Variants in ATXN10 observed in about 807,000 individuals in gnomAD.
The protein encoded by ATXN10 is ataxin 10.
A neutral mutation model predicts 52.9 loss-of-function variants in ATXN10; 28 were observed. The ratio of observed to expected loss-of-function variants is 0.53; its 90% CI spans 0.39 to 0.73. The LOEUF is 0.73. ATXN10 is among the 30% of genes least tolerant of loss of function. The probability of loss-of-function intolerance (pLI) is 0.00; values close to 1 mark genes in which losing one functional copy is unlikely to be tolerated. For synonymous variants in ATXN10, 226 were observed against 221.5 expected (o/e 1.02, Z -0.18); for missense variants, 565 against 577.0 (o/e 0.98, Z 0.21).
At position 45,774,486 on chromosome 22, in the gene ATXN10, G is replaced by T. The variant is rs1217322439; in HGVS notation, c.1174-32473G>T. On this transcript the variant is annotated intron_variant, in intron 9 of 11. Transcript: ENST00000252934. The surrounding 1 kb of genome is among the most constrained non-coding windows in gnomAD (Gnocchi z 6.2). The stretch of plus-strand genomic sequence containing the variant: ...GGGAACTACTACTTTGATGTAAGAG[G>T]AGATCGCTATTAGGAAATTCCAGAT... Among the ~76,000 whole-genome samples, 5 of 152,214 alleles carry T rather than the reference G, an allele frequency of 3.3e-5. No individual in the cohort carries two copies. Among genetic ancestry groups the T allele is most frequent in the Non-Finnish European group, 1.5e-5 (1 of 68,036 alleles).
chr22:45,708,722 C>G lies in ATXN10; in HGVS notation c.647+5875C>G, dbSNP rs895378658. ...TGGTGTGATCTTGACTCACTGCAAC[C>G]TCTGCCTCCCGGGTTCAAGTGATTC... On this transcript the variant is annotated intron_variant, in intron 5 of 11. Coordinates refer to ENST00000252934, the MANE Select transcript of ATXN10 (RefSeq NM_013236.4). This position sits in a 1 kb window ranked among gnomAD's most constrained non-coding sequence, Gnocchi z 5.3. 6.6e-6 allele frequency among the ~76,000 whole-genome samples: 1 copy of G among 152,204 alleles called. No homozygotes were observed. The highest frequency in any genetic ancestry group is 2.4e-5 in the African/African-American group (1 of 41,454).
chr22:45,824,018 T>A lies in ATXN10; in HGVS notation c.1237+16996T>A, dbSNP rs545280507. On this transcript the variant is annotated intron_variant, in intron 10 of 11. Coordinates refer to ENST00000252934, the MANE Select transcript of ATXN10 (RefSeq NM_013236.4). The surrounding 1 kb of genome is among the most constrained non-coding windows in gnomAD (Gnocchi z 5.2). ...TGTTTACTTCTTCGTTTTTTGTTTG[T>A]TTGTTTGTTTTGGTAGTCCCTGGCA... 2.0e-5 allele frequency among the ~76,000 whole-genome samples: 3 copies of A among 152,284 alleles called. No individual in the cohort carries two copies. Among genetic ancestry groups the A allele is most frequent in the South Asian group, 4.1e-4 (2 of 4,820 alleles).
chr22:45,830,170 A>T (rs1326975711), intron 10 of ATXN10, among the ~76,000 whole-genome samples: 1 of 152,232 alleles, frequency 6.6e-6, no homozygotes, highest in Non-Finnish European at 1.5e-5. Context: ...ATCCAGGTGC[A>T]AAAGAATGAA....
At chr22:45,721,606 TTAC>T (rs150410007) in intron 6 of ATXN10, among the ~76,000 whole-genome samples, 1 of 152,294 alleles carries the variant, frequency 6.6e-6, no homozygotes, top group African/African-American at 2.4e-5. Flanking sequence ...TTCCATGCTC[TTAC>T]TACTATTACT....
At chr22:45,785,759 G>C (rs764209184) in intron 9 of ATXN10, among the ~76,000 whole-genome samples, 4 of 152,228 alleles carry the variant, frequency 2.6e-5, no homozygotes, top group Admixed American at 2.0e-4. Flanking sequence ...AGGAAGCCGC[G>C]AGGCTGAGAG....
intron 1 of ATXN10, among the ~76,000 whole-genome samples, chr22:45,689,165 G>C (rs1923268714): frequency 6.6e-6 from 1 of 152,222 alleles, no homozygotes; most frequent in African/African-American, 2.4e-5. Flanking sequence ...AGAGTAGATA[G>C]TATCCTTGTC....
At chr22:45,734,023 AT>A (rs1220071893) in intron 7 of ATXN10, among the ~76,000 whole-genome samples, 1 of 152,078 alleles carries the variant, frequency 6.6e-6, no homozygotes, top group African/African-American at 2.4e-5. Context: ...ATATAGACTC[AT>A]CATAATTTTT....
chr22:45,765,658 C>T (rs529005726), intron 9 of ATXN10, among the ~76,000 whole-genome samples: 2 of 152,282 alleles, frequency 1.3e-5, no homozygotes, highest in East Asian at 3.9e-4. Context: ...ATATAAAGTA[C>T]TTCCTGAAAA....
rs1256506506 is a variant in ATXN10, at chr22:45,769,257, A to C, written c.1173+28719A>C. Among the ~76,000 whole-genome samples, 1 of 152,172 alleles carries C rather than the reference A, an allele frequency of 6.6e-6. No homozygotes were observed. The highest frequency in any genetic ancestry group is 2.4e-5 in the African/African-American group (1 of 41,440). On this transcript the variant is annotated intron_variant, in intron 9 of 11. Coordinates refer to ENST00000252934, the MANE Select transcript of ATXN10 (RefSeq NM_013236.4). The surrounding 1 kb of genome is among the most constrained non-coding windows in gnomAD (Gnocchi z 4.2). The stretch of plus-strand genomic sequence containing the variant: ...ATCTGAAAGGCAGCTTTATCAAAAG[A>C]GTAACGTGTGCAGATGGGCGCCGTT...
At position 45,732,006 on chromosome 22, in the gene ATXN10, TA is replaced by T. The variant is rs1178574590; in HGVS notation, c.894+2419del. The stretch of plus-strand genomic sequence containing the variant: ...ACAGAGAAAAGACAGATCACAGCTT[TA>T]AACTTTTCAGGGCACTTCTGTTTAA... On this transcript the variant is annotated intron_variant, in intron 7 of 11. Transcript: ENST00000252934. The surrounding 1 kb of genome is among the most constrained non-coding windows in gnomAD (Gnocchi z 4.5). Among the ~76,000 whole-genome samples the T allele has an allele frequency of 6.6e-6, 1 of 152,232 alleles. No homozygotes were observed. The highest frequency in any genetic ancestry group is 2.4e-5 in the African/African-American group (1 of 41,472).
intron 3 of ATXN10, 101 bp downstream of exon 3, chr22:45,693,179 T>C: frequency 1.0e-6 from 1 of 965,432 alleles, no homozygotes. Flanking sequence ...ATGTTCTGTA[T>C]TTCATGAGAT....
At chr22:45,741,681 A>G (rs528920003) in intron 9 of ATXN10, among the ~76,000 whole-genome samples, 4 of 151,938 alleles carry the variant, frequency 2.6e-5, no homozygotes, top group Non-Finnish European at 4.4e-5. Flanking sequence ...GAGAAAAAGT[A>G]AAAAATAGAA....
intron 10 of ATXN10, among the ~76,000 whole-genome samples, chr22:45,807,547 C>T (rs1464462603): frequency 2.6e-5 from 4 of 152,214 alleles, no homozygotes; most frequent in East Asian, 3.9e-4. Context: ...CAGCCCTCTG[C>T]GGCAGAAGCT....
At chr22:45,748,619 C>T (rs1242789144) in intron 9 of ATXN10, among the ~76,000 whole-genome samples, 2 of 152,164 alleles carry the variant, frequency 1.3e-5, no homozygotes, top group Non-Finnish European at 1.5e-5. Context: ...TTTTAAATTA[C>T]AGGGCATATG....
chr22:45,825,167 T>A lies in ATXN10; in HGVS notation c.1238-17824T>A, dbSNP rs906331577. ...ACATGCAAATATCTGGGGTCAGTGC[T>A]CTGATTACTGATTTCAGCTTTTGAT... On this transcript the variant is annotated intron_variant, in intron 10 of 11. Transcript: ENST00000252934. The surrounding 1 kb of genome is among the most constrained non-coding windows in gnomAD (Gnocchi z 4.5). Among the ~76,000 whole-genome samples, 1 of 152,196 alleles carries A rather than the reference T, an allele frequency of 6.6e-6. No individual in the cohort carries two copies. Among genetic ancestry groups the A allele is most frequent in the Admixed American group, 6.5e-5 (1 of 15,280 alleles).
chr22:45,683,341 C>A lies in ATXN10; in HGVS notation c.117-6371C>A, dbSNP rs541470206. Among the ~76,000 whole-genome samples, 1 of 152,228 alleles carries A rather than the reference C, an allele frequency of 6.6e-6. No homozygotes were observed. Among genetic ancestry groups the A allele is most frequent in the East Asian group, 1.9e-4 (1 of 5,174 alleles). Reference sequence around the variant, plus strand: ...CTCAAAAACAAAACGAAAAAAAGAACCTTCCATGGCTTCACATCAGGATAA... The same window carrying A: ...CTCAAAAACAAAACGAAAAAAAGAAACTTCCATGGCTTCACATCAGGATAA... On this transcript the variant is annotated intron_variant, in intron 1 of 11. Transcript: ENST00000252934. This position sits in a 1 kb window ranked among gnomAD's most constrained non-coding sequence, Gnocchi z 4.8.
intron 6 of ATXN10, among the ~76,000 whole-genome samples, chr22:45,725,280 C>G (rs1924821331): frequency 6.6e-6 from 1 of 152,104 alleles, no homozygotes; most frequent in Non-Finnish European, 1.5e-5. Context: ...TTCTTCTAAT[C>G]CATGAGCATG....
rs1001596995 is a variant in ATXN10, at chr22:45,712,922, G to A, written c.648-5491G>A. Reference sequence around the variant, plus strand: ...TTCCCAGATCTCACAACAAAGGAGAGTGGCATTTATTTTCCATAGCACATT... The same window carrying A: ...TTCCCAGATCTCACAACAAAGGAGAATGGCATTTATTTTCCATAGCACATT... On this transcript the variant is annotated intron_variant, in intron 5 of 11. Coordinates refer to ENST00000252934, the MANE Select transcript of ATXN10 (RefSeq NM_013236.4). The surrounding 1 kb of genome is among the most constrained non-coding windows in gnomAD (Gnocchi z 4.6). Among the ~76,000 whole-genome samples, 5 of 152,268 alleles carry A rather than the reference G, an allele frequency of 3.3e-5. No individual in the cohort carries two copies. The highest frequency in any genetic ancestry group is 9.6e-5 in the African/African-American group (4 of 41,544).
chr22:45,706,162 G>A (rs1924034433), intron 5 of ATXN10, among the ~76,000 whole-genome samples: 1 of 152,138 alleles, frequency 6.6e-6, no homozygotes, highest in African/African-American at 2.4e-5. Flanking sequence ...CAAAAAGGTT[G>A]GGGACCACTG....
Sources: allele counts gnomAD v4.1 joint callset (sites outside exome capture counted in the v4.1 genomes callset), GRCh38; gene constraint gnomAD v4.1.1; non-coding constraint Gnocchi (gnomAD v3.1); transcripts MANE v1.5; gene names NCBI Gene and HGNC (gene_info 2026-07-23, HGNC 2026-07-21).